PPP2R1B: variants seen among roughly 807,000 people sequenced by gnomAD.
The protein encoded by PPP2R1B is protein phosphatase 2 scaffold subunit Abeta.
A neutral mutation model predicts 72.7 loss-of-function variants in PPP2R1B; 58 were observed. The ratio of observed to expected loss-of-function variants is 0.80; its 90% CI spans 0.65 to 0.99. The LOEUF (loss-of-function observed/expected upper bound fraction) is 0.99, where lower values mean the gene tolerates loss of function less well. Among genes scored for constraint, PPP2R1B ranks in the 50% least tolerant of loss-of-function variants. PPP2R1B has a pLI of 0.00. For missense variants in PPP2R1B, 695 were observed against 733.6 expected, an observed-to-expected ratio of 0.95 and a Z score of 0.61; for synonymous variants, 256 against 264.6, an observed-to-expected ratio of 0.97 and a Z score of 0.32.
the PPP2R1B span, among the ~76,000 whole-genome samples, chr11:111,710,245 C>T: frequency 1.3e-5 from 2 of 152,230 alleles, no homozygotes; most frequent in African/African-American, 4.8e-5. Flanking sequence ...AGTTGTTTAA[C>T]ATCAGAAGTG....
intron 3 of PPP2R1B, 200 bp from the exon 4 acceptor site, chr11:111,761,251 G>C (rs781793608): frequency 2.9e-6 from 2 of 683,248 alleles, no homozygotes; most frequent in Non-Finnish European, 5.3e-6. Flanking sequence ...CTGTAGAAAA[G>C]CCAAGATCTC....
At chr11:111,710,944 A>G in the PPP2R1B span, among the ~76,000 whole-genome samples, 6 of 152,256 alleles carry the variant, frequency 3.9e-5, no homozygotes, top group South Asian at 2.1e-4. Context: ...TCTGCCTTTC[A>G]TAGTCTAGTA....
At chr11:111,735,705 TCCCTGAGGG>T (rs916057374), downstream of PPP2R1B, among the ~76,000 whole-genome samples, 2 of 152,284 alleles carry the variant, frequency 1.3e-5, no homozygotes, top group Admixed American at 6.5e-5. Context: ...GTCCAATGGC[TCCCTGAGGG>T]CCCTGAGGCT....
At chr11:111,754,831 TTAAG>T in intron 7 of PPP2R1B, 145 bp downstream of exon 7, 1 of 868,620 alleles carries the variant, frequency 1.2e-6, no homozygotes, top group Non-Finnish European at 1.7e-6. Context: ...GAGACTATCT[TTAAG>T]TGACAATGTA....
chr11:111,764,370 C>T (rs988504876), intron 3 of PPP2R1B, among the ~76,000 whole-genome samples: 4 of 152,032 alleles, frequency 2.6e-5, no homozygotes, highest in African/African-American at 4.8e-5. Flanking sequence ...TCAACATTAA[C>T]ATTGTAAACT....
intron 1 of PPP2R1B, 182 bp downstream of exon 1, chr11:111,766,066 C>T (rs369355829): frequency 3.1e-6 from 2 of 635,584 alleles, no homozygotes; most frequent in African/African-American, 3.7e-5. Flanking sequence ...GAGAGGTACC[C>T]GGGAGGGTCG....
At chr11:111,746,989 C>A (rs80164255) in intron 11 of PPP2R1B, among the ~76,000 whole-genome samples, 2 of 152,160 alleles carry the variant, frequency 1.3e-5, no homozygotes, top group African/African-American at 4.8e-5. Flanking sequence ...ACCACCCACA[C>A]GTATAAGCAG....
At position 111,739,090 on chromosome 11, in the gene PPP2R1B, T is replaced by C. The variant is rs1412739453; in HGVS notation, c.*2506A>G. On this transcript the variant is annotated 3_prime_UTR_variant, in exon 15 of 15. Coordinates refer to ENST00000527614, the MANE Select transcript of PPP2R1B (RefSeq NM_002716.5). ...CTTGTTTCCTGAAAGCAGGAAAATC[T>C]TTCTGTCAGTGGGAGAATAAGACAC... is the stretch of plus-strand genomic sequence containing the variant. 2.2e-5 allele frequency: 22 copies of C among 985,324 alleles called. No individual in the cohort carries two copies. Among genetic ancestry groups the C allele is most frequent in the Non-Finnish European group, 2.5e-5 (21 of 829,952 alleles). 61.0% of individuals were successfully genotyped at this position (985,324 alleles called of 1,614,324 possible). A position where few individuals can be genotyped will look rare whatever the true frequency, so the allele number is the denominator to read the frequency against.
chr11:111,699,950 G>C, the PPP2R1B span, among the ~76,000 whole-genome samples: 2 of 152,222 alleles, frequency 1.3e-5, no homozygotes, highest in African/African-American at 4.8e-5. Context: ...CAGCTGGGTG[G>C]AGAGCCAGTT....
At chr11:111,754,923 C>A (rs1945044980) in intron 7 of PPP2R1B, 57 bp downstream of exon 7, 9 of 1,460,554 alleles carry the variant, frequency 6.2e-6, no homozygotes, top group Non-Finnish European at 8.5e-6. Flanking sequence ...AATTGACTAA[C>A]AAAAAAATGC....
At chr11:111,764,777 G>A (rs782386605) in intron 3 of PPP2R1B, 28 bp downstream of exon 3, 28 of 1,607,794 alleles carry the variant, frequency 1.7e-5, no homozygotes, top group Non-Finnish European at 5.1e-6. Context: ...AGTTGTAGAA[G>A]GAGGGTAGGC....
At chr11:111,765,609 C>A (rs1334638200) in intron 1 of PPP2R1B, among the ~76,000 whole-genome samples, 1 of 151,948 alleles carries the variant, frequency 6.6e-6, no homozygotes, top group Admixed American at 6.6e-5. Context: ...TCAGAAGGGA[C>A]CGGAAGAGAA....
At chr11:111,695,019 G>A in the PPP2R1B span, among the ~76,000 whole-genome samples, 8 of 152,098 alleles carry the variant, frequency 5.3e-5, no homozygotes, top group Admixed American at 6.6e-5. Context: ...TGACCTTTTC[G>A]TGCTGGTGGG....
chr11:111,765,454 T>C (rs1430040140), intron 1 of PPP2R1B, 70 bp from the exon 2 acceptor site: 1 of 1,234,232 alleles, frequency 8.1e-7, no homozygotes, highest in African/African-American at 1.5e-5. Flanking sequence ...AGACAAAAGG[T>C]GCTAACAGGT....
At chr11:111,698,120 A>G in the PPP2R1B span, among the ~76,000 whole-genome samples, 1 of 152,230 alleles carries the variant, frequency 6.6e-6, no homozygotes, top group Non-Finnish European at 1.5e-5. Context: ...GTTTCTTTTA[A>G]TATCCCTATA....
At chr11:111,712,291 C>T in the PPP2R1B span, 2 of 1,614,212 alleles carry the variant, frequency 1.2e-6, no homozygotes, top group Non-Finnish European at 1.7e-6. Context: ...CCCAGGCATC[C>T]AACGTGGAGG....
chr11:111,739,007 G>T lies in PPP2R1B; in HGVS notation c.*2589C>A, dbSNP rs569374476. ...CAACATTACATGTCTGAAGCAATCA[G>T]ACAAATCCACACAGAACTGTAGTCT... is the stretch of plus-strand genomic sequence containing the variant. On this transcript the variant is annotated 3_prime_UTR_variant, in exon 15 of 15. Coordinates refer to ENST00000527614, the MANE Select transcript of PPP2R1B (RefSeq NM_002716.5). The T allele has an allele frequency of 1.6e-4, 154 of 985,044 alleles. No individual in the cohort carries two copies. The African/African-American group carries it at 2.4e-3, about 15-fold the overall frequency. The allele number at this position is 985,044 out of a possible 1,614,324, so 61.0% of individuals were successfully genotyped here.
intron 15 of PPP2R1B, chr11:111,727,128 C>T (rs1297863377): frequency 5.1e-6 from 7 of 1,373,960 alleles, no homozygotes; most frequent in Admixed American, 1.7e-5. Context: ...TGACACTGAC[C>T]GTCCCCAGCT....
chr11:111,739,754 CAAA>C lies in PPP2R1B; in HGVS notation c.*1839_*1841del. 1 of 979,098 alleles carries C rather than the reference CAAA, an allele frequency of 1.0e-6. No homozygotes were observed. Among genetic ancestry groups the C allele is most frequent in the Non-Finnish European group, 1.2e-6 (1 of 824,412 alleles). The allele number at this position is 979,098 out of a possible 1,614,324, so 60.7% of individuals were successfully genotyped here. ...GAAGAAGAACATAACTTGCAGGTAA[CAAA>C]AAATAAAGACTCATGAAACTAAAAT... is the stretch of plus-strand genomic sequence containing the variant. On this transcript the variant is annotated 3_prime_UTR_variant, in exon 15 of 15. Coordinates refer to ENST00000527614, the MANE Select transcript of PPP2R1B (RefSeq NM_002716.5).
Sources: gnomAD v4.1 joint callset for allele counts (sites outside exome capture counted in the v4.1 genomes callset) on GRCh38, gnomAD v4.1.1 for gene constraint, MANE v1.5 for transcripts, NCBI Gene and HGNC (gene_info 2026-07-23, HGNC 2026-07-21) for gene names.